MCUB: variants seen among roughly 807,000 people sequenced by gnomAD.
The protein encoded by MCUB is mitochondrial calcium uniporter dominant negative subunit beta.
In MCUB, 46 loss-of-function variants were observed where a neutral mutation model predicts 41.4. That is an observed-to-expected ratio of 1.11 (90% confidence interval 0.88 to 1.42). The LOEUF is 1.42. Ranked by LOEUF, MCUB falls within the 40% of genes most tolerant of loss-of-function variation. MCUB has a pLI of 0.00. For missense variants in MCUB, 403 were observed against 404.9 expected, an observed-to-expected ratio of 1.00 and a Z score of 0.04; for synonymous variants, 148 against 148.2, an observed-to-expected ratio of 1.00 and a Z score of 0.01.
intron 1 of MCUB, among the ~76,000 whole-genome samples, chr4:109,586,672 T>G (rs1476633226): frequency 6.6e-6 from 1 of 152,218 alleles, no homozygotes; most frequent in Non-Finnish European, 1.5e-5. Flanking sequence ...TTGATGCTAT[T>G]CCTTTCTGTT....
At chr4:109,617,699 A>G (rs945691698) in intron 1 of MCUB, among the ~76,000 whole-genome samples, 2 of 152,210 alleles carry the variant, frequency 1.3e-5, no homozygotes, top group Non-Finnish European at 2.9e-5. Context: ...TAACCTGTCT[A>G]TTATTATTGG....
chr4:109,658,317 GAC>G (rs1729149897), intron 1 of MCUB, among the ~76,000 whole-genome samples: 1 of 150,206 alleles, frequency 6.7e-6, no homozygotes, highest in Non-Finnish European at 1.5e-5. Context: ...TTTTTTTTAA[GAC>G]AGAGTTTTGC....
At position 109,685,506 on chromosome 4, in the gene MCUB, G is replaced by A. The variant is rs1729820281; in HGVS notation, c.933+139G>A. The A allele has an allele frequency of 2.1e-5, 10 of 477,666 alleles. No individual in the cohort carries two copies. The South Asian group carries it at 4.6e-4, about 22-fold the overall frequency. 29.6% of individuals were successfully genotyped at this position (477,666 alleles called of 1,614,324 possible). A position where few individuals can be genotyped will look rare whatever the true frequency, so the allele number is the denominator to read the frequency against. On this transcript the variant is annotated intron_variant, in intron 7 of 7. Transcript: ENST00000394650. Reference sequence around the variant, plus strand: ...GTGTTGTGGGATTGTTCATTGAAATGGTTGACATATTTCATATTAATTTCA... The same window carrying A: ...GTGTTGTGGGATTGTTCATTGAAATAGTTGACATATTTCATATTAATTTCA...
rs34929729 is a variant in MCUB at position 109,594,657 on chromosome 4, C to CA, written c.99+34231dup. Among the ~76,000 whole-genome samples the CA allele has an allele frequency of 4.1e-3, 590 of 143,254 alleles. 3 individuals are homozygous for CA. Among genetic ancestry groups the CA allele is most frequent in the Middle Eastern group, 0.022 (6 of 276 alleles). 94.0% of individuals were successfully genotyped at this position (143,254 alleles called of 152,430 possible). ...CTGGGTGACAGAATGAGACTTGTCTCAAAAAAAAAAGGAGGGAAAGGCAGC... is the reference window on the plus strand; with the variant it reads ...CTGGGTGACAGAATGAGACTTGTCTCAAAAAAAAAAAGGAGGGAAAGGCAGC... On this transcript the variant is annotated intron_variant, in intron 1 of 7. Transcript: ENST00000394650.
At chr4:109,642,333 C>T (rs566104166) in intron 1 of MCUB, among the ~76,000 whole-genome samples, 9 of 152,112 alleles carry the variant, frequency 5.9e-5, no homozygotes, top group East Asian at 3.9e-4. Flanking sequence ...AGTTCTTGCC[C>T]ATGGATATGG....
chr4:109,575,015 G>A (rs1407676399), intron 1 of MCUB, among the ~76,000 whole-genome samples: 1 of 152,160 alleles, frequency 6.6e-6, no homozygotes, highest in Non-Finnish European at 1.5e-5. Flanking sequence ...CAAAAAGTTA[G>A]CTTAAATAGG....
intron 1 of MCUB, among the ~76,000 whole-genome samples, chr4:109,607,570 C>T (rs1159343036): frequency 1.3e-5 from 2 of 152,170 alleles, no homozygotes; most frequent in African/African-American, 2.4e-5. Flanking sequence ...TAGAACAGGT[C>T]TGGTGTTGAT....
At chr4:109,658,881 C>T in intron 1 of MCUB, 130 bp from the exon 2 acceptor site, 1 of 656,858 alleles carries the variant, frequency 1.5e-6, no homozygotes. Flanking sequence ...CCCTGGGATG[C>T]ATGACAAGTT....
intron 1 of MCUB, among the ~76,000 whole-genome samples, chr4:109,590,913 G>T (rs1727422422): frequency 6.6e-6 from 1 of 152,146 alleles, no homozygotes. Flanking sequence ...ATCATGTCTT[G>T]TCAGAAGTTA....
At chr4:109,582,877 TTGA>T (rs1245052847) in intron 1 of MCUB, among the ~76,000 whole-genome samples, 1 of 152,002 alleles carries the variant, frequency 6.6e-6, no homozygotes, top group Non-Finnish European at 1.5e-5. Context: ...CAGATGGTTG[TTGA>T]TGTGTTACTT....
chr4:109,660,241 C>T lies in MCUB; in HGVS notation c.222C>T (p.Thr74=). 1 of 1,601,798 alleles carries T rather than the reference C, an allele frequency of 6.2e-7. No homozygotes were observed. Among genetic ancestry groups the T allele is most frequent in the Non-Finnish European group, 8.5e-7 (1 of 1,169,670 alleles). The stretch of plus-strand genomic sequence containing the variant: ...ATGGCCTTCCCTTGGTAACACTTAC[C>T]TTGCCATCTAGAAAAGAACGTTGTC... ...YRHGLPLVTL[T]LPSRKERCQF... Residue 74 remains threonine, a synonymous_variant, in exon 3 of 8, where the codon ACC becomes ACT. Transcript: ENST00000394650.
At chr4:109,613,978 C>T (rs1561228042) in intron 1 of MCUB, among the ~76,000 whole-genome samples, 1 of 152,100 alleles carries the variant, frequency 6.6e-6, no homozygotes, top group African/African-American at 2.4e-5. Flanking sequence ...TTTACTTGTG[C>T]TTGTGTGCAT....
intron 1 of MCUB, among the ~76,000 whole-genome samples, chr4:109,614,453 TG>T (rs1561228161): frequency 6.6e-6 from 1 of 151,876 alleles, no homozygotes; most frequent in Non-Finnish European, 1.5e-5. Context: ...AGGGCAGAGT[TG>T]CTTCCTCTTT....
intron 1 of MCUB, among the ~76,000 whole-genome samples, chr4:109,603,040 C>T (rs197211): frequency 0.53 from 80,636 of 152,016 alleles, 21,700 homozygotes; most frequent in South Asian, 0.69. Flanking sequence ...TGATTTTGTA[C>T]TCTGCAACTT....
At chr4:109,586,787 T>C (rs992066537) in intron 1 of MCUB, among the ~76,000 whole-genome samples, 7 of 152,238 alleles carry the variant, frequency 4.6e-5, no homozygotes, top group African/African-American at 1.7e-4. Flanking sequence ...TAGCAGAGGC[T>C]GCAGAACAGC....
rs561033617 is a variant in MCUB at position 109,590,261 on chromosome 4, A to C, written c.99+29825A>C. ...ACTGGGATATATTTGGAAGTATTTC[A>C]TGATCAGTATGGTGTTTACAATTGT... On this transcript the variant is annotated intron_variant, in intron 1 of 7. Coordinates refer to ENST00000394650, the MANE Select transcript of MCUB (RefSeq NM_017918.5). Among the ~76,000 whole-genome samples, 17 of 152,318 alleles carry C rather than the reference A, an allele frequency of 1.1e-4. No homozygotes were observed. The South Asian group carries it at 3.5e-3, about 32-fold the overall frequency.
At chr4:109,578,731 T>C (rs1272482416) in intron 1 of MCUB, among the ~76,000 whole-genome samples, 2 of 152,136 alleles carry the variant, frequency 1.3e-5, no homozygotes, top group African/African-American at 4.8e-5. Flanking sequence ...GGTCTCGAAC[T>C]CCTGGCGCAA....
intron 1 of MCUB, among the ~76,000 whole-genome samples, chr4:109,633,583 A>C (rs1728524380): frequency 6.6e-6 from 1 of 152,180 alleles, no homozygotes; most frequent in African/African-American, 2.4e-5. Flanking sequence ...ATTAATTTTT[A>C]AATGAAACTA....
At position 109,617,318 on chromosome 4, in the gene MCUB, T is replaced by A. The variant is rs149153358; in HGVS notation, c.100-41693T>A. ...GTTCTGTTTAGTGCATTGCAGAATG[T>A]TTAGTGTCTCTGACCTTGTATACTA... On this transcript the variant is annotated intron_variant, in intron 1 of 7. Coordinates refer to ENST00000394650, the MANE Select transcript of MCUB (RefSeq NM_017918.5). Among the ~76,000 whole-genome samples the A allele has an allele frequency of 5.6e-3, 846 of 152,296 alleles. 25 individuals carry two copies. The East Asian group carries it at 0.065, about 12-fold the overall frequency.
Sources: gnomAD v4.1 joint callset for allele counts (sites outside exome capture counted in the v4.1 genomes callset) on GRCh38, gnomAD v4.1.1 for gene constraint, MANE v1.5 for transcripts, NCBI Gene and HGNC (gene_info 2026-07-23, HGNC 2026-07-21) for gene names.